FRMD4B: variants seen among roughly 807,000 people sequenced by gnomAD.
FRMD4B encodes the protein FERM domain containing 4B.
In FRMD4B, 74 loss-of-function variants were observed where a neutral mutation model predicts 141.5. The observed-to-expected ratio is 0.52, with a 90% CI of 0.43 to 0.63. FRMD4B has a LOEUF of 0.63. Among genes scored for constraint, FRMD4B ranks in the 30% least tolerant of loss-of-function variants. The pLI is 0.00. For missense variants in FRMD4B, 1,366 were observed against 1,253.4 expected, an observed-to-expected ratio of 1.09 and a Z score of -1.36; for synonymous variants, 506 against 467.9, an observed-to-expected ratio of 1.08 and a Z score of -1.05.
chr3:69,537,973 C>T (rs1349652181), intron 1 of FRMD4B, among the ~76,000 whole-genome samples: 1 of 152,212 alleles, frequency 6.6e-6, no homozygotes, highest in Non-Finnish European at 1.5e-5. Flanking sequence ...GGGCAAAGCC[C>T]TCAACCTCTG....
chr3:69,189,117 G>A lies in FRMD4B; in HGVS notation c.1771+779C>T, dbSNP rs541228822. 4.3e-3 allele frequency among the ~76,000 whole-genome samples: 644 copies of A among 151,194 alleles called. 6 individuals are homozygous for A. The highest frequency in any genetic ancestry group is 9.8e-3 in the Admixed American group (148 of 15,102). ...AATGCCTGTAATCCCAGCTACTCGGGAGGCTGAGGCAGGAGAATTGCTTGA... is the reference window on the plus strand; with the variant it reads ...AATGCCTGTAATCCCAGCTACTCGGAAGGCTGAGGCAGGAGAATTGCTTGA... On this transcript the variant is annotated intron_variant, in intron 18 of 22. Coordinates refer to ENST00000398540, the MANE Select transcript of FRMD4B (RefSeq NM_015123.3).
chr3:69,261,348 G>A (rs545605878), intron 5 of FRMD4B, among the ~76,000 whole-genome samples: 2 of 152,326 alleles, frequency 1.3e-5, no homozygotes, highest in Non-Finnish European at 2.9e-5. Context: ...AAGTCAGTGA[G>A]ACCAAGAACT....
intron 1 of FRMD4B, among the ~76,000 whole-genome samples, chr3:69,354,703 C>T (rs1469805435): frequency 6.6e-6 from 1 of 152,072 alleles, no homozygotes; most frequent in Non-Finnish European, 1.5e-5. Flanking sequence ...GGGGTACCTC[C>T]CTTTACCCCC....
chr3:69,314,299 A>C (rs1701730635), intron 1 of FRMD4B, among the ~76,000 whole-genome samples: 1 of 148,694 alleles, frequency 6.7e-6, no homozygotes, highest in African/African-American at 2.5e-5. Context: ...AGGCAGAGGC[A>C]GGCAGATCAC....
At chr3:69,190,405 C>T (rs62255544) in intron 17 of FRMD4B, among the ~76,000 whole-genome samples, 18 of 44,878 alleles carry the variant, frequency 4.0e-4, no homozygotes, top group African/African-American at 5.6e-4. Context: ...AAAGAAAAGG[C>T]CTTTTTTTTT....
chr3:69,242,278 C>A (rs1039127953), intron 7 of FRMD4B, among the ~76,000 whole-genome samples: 1 of 151,990 alleles, frequency 6.6e-6, no homozygotes, highest in Non-Finnish European at 1.5e-5. Flanking sequence ...CTCAGCATAG[C>A]GCCTTGCCCA....
intron 5 of FRMD4B, among the ~76,000 whole-genome samples, chr3:69,260,818 C>G (rs2093522183): frequency 6.6e-6 from 1 of 152,234 alleles, no homozygotes; most frequent in Admixed American, 6.5e-5. Context: ...ATGCACCAGT[C>G]AGTGCTCTGT....
At chr3:69,478,153 C>T (rs1288199636) in intron 1 of FRMD4B, among the ~76,000 whole-genome samples, 2 of 152,142 alleles carry the variant, frequency 1.3e-5, no homozygotes, top group Non-Finnish European at 2.9e-5. Flanking sequence ...TTCAAAAAAC[C>T]AGCTCCTGGA....
chr3:69,339,409 C>T (rs973351685), intron 1 of FRMD4B, among the ~76,000 whole-genome samples: 1 of 152,140 alleles, frequency 6.6e-6, no homozygotes, highest in African/African-American at 2.4e-5. Flanking sequence ...GTCATTTAAT[C>T]CCTTTTAGTC....
At chr3:69,204,335 A>G (rs1053414302) in intron 11 of FRMD4B, among the ~76,000 whole-genome samples, 4 of 152,164 alleles carry the variant, frequency 2.6e-5, no homozygotes, top group Admixed American at 1.3e-4. Context: ...AGGCTTCACA[A>G]TAGGCCAGGA....
intron 11 of FRMD4B, among the ~76,000 whole-genome samples, chr3:69,206,257 G>A (rs2093023594): frequency 1.3e-5 from 2 of 152,174 alleles, no homozygotes; most frequent in African/African-American, 4.8e-5. Flanking sequence ...GGCTGAGGCA[G>A]GAAAATTGCT....
At chr3:69,457,192 C>T (rs554078540) in intron 1 of FRMD4B, among the ~76,000 whole-genome samples, 1 of 152,170 alleles carries the variant, frequency 6.6e-6, no homozygotes, top group African/African-American at 2.4e-5. Flanking sequence ...TTTACCAATA[C>T]AGAAAAATGT....
At chr3:69,484,858 T>TCCATGGGAAG (rs1297582238) in intron 1 of FRMD4B, among the ~76,000 whole-genome samples, 2 of 152,034 alleles carry the variant, frequency 1.3e-5, no homozygotes, top group Non-Finnish European at 2.9e-5. Context: ...TGCTAACTCG[T>TCCATGGGAAG]CCATGGGCAG....
intron 1 of FRMD4B, among the ~76,000 whole-genome samples, chr3:69,525,743 C>T (rs914761033): frequency 1.3e-5 from 2 of 152,094 alleles, no homozygotes; most frequent in Non-Finnish European, 2.9e-5. Context: ...CCTCAACCTC[C>T]CTGGGCTCTG....
chr3:69,420,396 A>G (rs1226481568), intron 2 of FRMD4B, among the ~76,000 whole-genome samples: 1 of 151,886 alleles, frequency 6.6e-6, no homozygotes, highest in African/African-American at 2.4e-5. Context: ...GATCAGATTT[A>G]TTTCTCACCA....
intron 2 of FRMD4B, among the ~76,000 whole-genome samples, chr3:69,412,305 G>A (rs2106784236): frequency 6.6e-6 from 1 of 152,296 alleles, no homozygotes; most frequent in South Asian, 2.1e-4. Flanking sequence ...ATAAACTGAG[G>A]ACACTTGATG....
intron 5 of FRMD4B, among the ~76,000 whole-genome samples, chr3:69,259,069 C>T (rs558921969): frequency 6.6e-6 from 1 of 152,240 alleles, no homozygotes; most frequent in South Asian, 2.1e-4. Flanking sequence ...AATAATCATA[C>T]AATTCACCAT....
intron 19 of FRMD4B, among the ~76,000 whole-genome samples, chr3:69,183,039 C>A (rs2092725841): frequency 6.6e-6 from 1 of 152,138 alleles, no homozygotes; most frequent in South Asian, 2.1e-4. Context: ...CTTAGATGAT[C>A]AAATCTTTGT....
In FRMD4B at chr3:69,319,914, A is replaced by C. The variant is rs149271516; in HGVS notation, c.163-6397T>G. 2.1e-3 allele frequency among the ~76,000 whole-genome samples: 317 copies of C among 152,362 alleles called. 3 individuals carry two copies. Among genetic ancestry groups the C allele is most frequent in the Middle Eastern group, 6.8e-3 (2 of 294 alleles). The stretch of plus-strand genomic sequence containing the variant: ...GATGAGTGGGTAGAAAAACAAAAAC[A>C]AAGAATCATGAAGCAGGCATGAAAA... On this transcript the variant is annotated intron_variant, in intron 1 of 22. Coordinates refer to ENST00000398540, the MANE Select transcript of FRMD4B (RefSeq NM_015123.3).
Sources: allele counts gnomAD v4.1 joint callset (sites outside exome capture counted in the v4.1 genomes callset), GRCh38; gene constraint gnomAD v4.1.1; transcripts MANE v1.5; gene names NCBI Gene and HGNC (gene_info 2026-07-23, HGNC 2026-07-21).